Variants in ASIP observed in about 807,000 individuals in gnomAD.
ASIP encodes agouti signaling protein.
A neutral mutation model predicts 10.3 loss-of-function variants in ASIP; 11 were observed. That is an observed-to-expected ratio of 1.07 (90% confidence interval 0.68 to 1.78). ASIP has a LOEUF of 1.78. Ranked by LOEUF, ASIP falls within the 40% of genes most tolerant of loss-of-function variation. The pLI is 0.00. For synonymous variants in ASIP, 70 were observed against 70.8 expected (o/e 0.99, Z 0.06); for missense variants, 180 against 169.2 (o/e 1.06, Z -0.35).
chr20:34,201,378 G>C (rs772423155), intron 1 of ASIP, among the ~76,000 whole-genome samples: 1 of 152,200 alleles, frequency 6.6e-6, no homozygotes, highest in Non-Finnish European at 1.5e-5. Context: ...AAAGTGCACA[G>C]TGGAAATCGA....
chr20:34,243,342 G>C (rs1327666946), intron 1 of ASIP, among the ~76,000 whole-genome samples: 1 of 152,144 alleles, frequency 6.6e-6, no homozygotes, highest in Non-Finnish European at 1.5e-5. Flanking sequence ...TATTCAATTT[G>C]GCATCTGTTA....
upstream of ASIP, among the ~76,000 whole-genome samples, chr20:34,194,110 C>T (rs572519064): frequency 2.0e-5 from 3 of 152,120 alleles, no homozygotes; most frequent in Non-Finnish European, 4.4e-5. Context: ...AATAAATATA[C>T]CAGTGGCAGC....
At chr20:34,259,692 G>A (rs1307035362) in intron 1 of ASIP, among the ~76,000 whole-genome samples, 3 of 151,936 alleles carry the variant, frequency 2.0e-5, no homozygotes, top group African/African-American at 7.3e-5. Flanking sequence ...GGAGGTTGCA[G>A]TGAGCCGAGA....
intron 1 of ASIP, among the ~76,000 whole-genome samples, chr20:34,253,084 G>A (rs1436755445): frequency 6.6e-6 from 1 of 152,018 alleles, no homozygotes; most frequent in Non-Finnish European, 1.5e-5. Context: ...CATAGACACA[G>A]TAACAACCTG....
At chr20:34,262,966 C>A in intron 3 of ASIP, 73 bp downstream of exon 3, 1 of 1,541,570 alleles carries the variant, frequency 6.5e-7, no homozygotes, top group Non-Finnish European at 8.9e-7. Flanking sequence ...GACCCCCAAC[C>A]TCTGGCTAGG....
At chr20:34,261,977 G>T (rs551640839) in intron 2 of ASIP, among the ~76,000 whole-genome samples, 7 of 152,068 alleles carry the variant, frequency 4.6e-5, no homozygotes, top group African/African-American at 1.4e-4. Flanking sequence ...GCCAGGTGTG[G>T]TGGTACATGC....
intron 1 of ASIP, among the ~76,000 whole-genome samples, chr20:34,207,216 T>A (rs941296314): frequency 6.6e-6 from 1 of 152,240 alleles, no homozygotes; most frequent in African/African-American, 2.4e-5. Flanking sequence ...TGCTGATATT[T>A]TCTATCTTTT....
chr20:34,186,863 G>C, the ASIP span, among the ~76,000 whole-genome samples: 2 of 152,114 alleles, frequency 1.3e-5, no homozygotes, highest in Non-Finnish European at 2.9e-5. Context: ...TGCCAGGCTG[G>C]AGTGCAGTGG....
At chr20:34,262,569 T>C (rs2424984) in intron 2 of ASIP, among the ~76,000 whole-genome samples, 43,259 of 151,980 alleles carry the variant, frequency 0.28, 11,036 homozygotes, top group African/African-American at 0.69. Context: ...CCCACAAGAG[T>C]GTCACAGGCA....
chr20:34,251,760 C>T (rs961173950), intron 1 of ASIP, among the ~76,000 whole-genome samples: 3 of 152,124 alleles, frequency 2.0e-5, no homozygotes, highest in Admixed American at 6.5e-5. Flanking sequence ...GTGGCAGAGC[C>T]CTCATGAATG....
intron 1 of ASIP, chr20:34,215,926 A>G: frequency 1.2e-6 from 1 of 820,172 alleles, no homozygotes; most frequent in Non-Finnish European, 2.2e-6. Context: ...TCTGGTTATA[A>G]TAGGCTTGCC....
In ASIP at chr20:34,201,926, G is replaced by A. The variant is rs111918428; in HGVS notation, c.-11+7166G>A. Among the ~76,000 whole-genome samples the A allele has an allele frequency of 4.7e-4, 72 of 152,208 alleles. 1 individual carries two copies. Among genetic ancestry groups the A allele is most frequent in the Middle Eastern group, 6.8e-3 (2 of 294 alleles). On this transcript the variant is annotated intron_variant, in intron 1 of 3. Coordinates refer to the ASIP transcript ENST00000568305. ...TTTGACTTAGAACAGTGTTCAGTCT[G>A]GTGCCAAACTTCCAATGGAATTCAA... is the stretch of plus-strand genomic sequence containing the variant.
At chr20:34,205,547 C>T (rs903455445) in intron 1 of ASIP, among the ~76,000 whole-genome samples, 1 of 150,846 alleles carries the variant, frequency 6.6e-6, no homozygotes, top group Non-Finnish European at 1.5e-5. Context: ...AAGAACAAAG[C>T]TTCCACAGCG....
intron 1 of ASIP, among the ~76,000 whole-genome samples, chr20:34,218,441 T>G (rs2035023801): frequency 6.6e-6 from 1 of 152,226 alleles, no homozygotes. Context: ...TCATTACTTT[T>G]ATCCAGTCCC....
chr20:34,219,663 T>C (rs1279715032), intron 1 of ASIP, among the ~76,000 whole-genome samples: 1 of 152,250 alleles, frequency 6.6e-6, no homozygotes, highest in East Asian at 1.9e-4. Flanking sequence ...AAGTGCTCAG[T>C]TACTAGGTTT....
At chr20:34,225,892 C>CT (rs75406734) in intron 1 of ASIP, among the ~76,000 whole-genome samples, 17,757 of 147,578 alleles carry the variant, frequency 0.12, 1,081 homozygotes, top group South Asian at 0.2. Flanking sequence ...TGTGCACCTA[C>CT]TTTTTTTTTT....
chr20:34,214,812 A>C, intron 1 of ASIP: 1 of 1,569,582 alleles, frequency 6.4e-7, no homozygotes, highest in Non-Finnish European at 8.8e-7. Context: ...GAAGATAATC[A>C]TAACAAAATC....
chr20:34,250,367 T>A (rs1416465050), intron 1 of ASIP, among the ~76,000 whole-genome samples: 1 of 152,168 alleles, frequency 6.6e-6, no homozygotes, highest in East Asian at 1.9e-4. Flanking sequence ...AAAACAATGC[T>A]AAAATAAAAA....
intron 3 of ASIP, among the ~76,000 whole-genome samples, chr20:34,266,082 G>A (rs1247478232): frequency 3.3e-5 from 5 of 151,220 alleles, no homozygotes; most frequent in East Asian, 2.0e-4. Context: ...GGCCAGGCAC[G>A]GTGGCTCACG....
Sources: gnomAD v4.1 joint callset for allele counts (sites outside exome capture counted in the v4.1 genomes callset) on GRCh38, gnomAD v4.1.1 for gene constraint, MANE v1.5 for transcripts, NCBI Gene and HGNC (gene_info 2026-07-23, HGNC 2026-07-21) for gene names.